The following PLXNA4 variants were observed in gnomAD, a reference collection of about 807,000 sequenced individuals.
PLXNA4 encodes the protein plexin A4, also known as plexin-A4.
In PLXNA4, 44 loss-of-function variants were observed where a neutral mutation model predicts 191.8. The observed-to-expected ratio is 0.23, with a 90% CI of 0.18 to 0.29. The LOEUF (loss-of-function observed/expected upper bound fraction) is 0.29. Ranked by LOEUF, PLXNA4 falls within the 10% of genes least tolerant of loss-of-function variation. The probability of loss-of-function intolerance (pLI) is 1.00; values close to 1 mark genes in which losing one functional copy is unlikely to be tolerated. For missense variants in PLXNA4, 1,800 were observed against 2,488.8 expected (o/e 0.72, Z 5.89); for synonymous variants, 1,082 against 1,009.5 (o/e 1.07, Z -1.36).
At chr7:132,172,770 A>AAT (rs1796330865) in intron 21 of PLXNA4, among the ~76,000 whole-genome samples, 1 of 151,284 alleles carries the variant, frequency 6.6e-6, no homozygotes, top group Non-Finnish European at 1.5e-5. Flanking sequence ...TAATAATAAT[A>AAT]ATAATAATAA....
chr7:132,492,854 A>G (rs1442646867), intron 2 of PLXNA4, among the ~76,000 whole-genome samples: 1 of 152,158 alleles, frequency 6.6e-6, no homozygotes, highest in Non-Finnish European at 1.5e-5. Flanking sequence ...AAGATATTTC[A>G]TGTTGATTTT....
chr7:132,563,549 TCTCCTACTCCTTCTCCTCTTCATC>T (rs1480669236), intron 1 of PLXNA4, among the ~76,000 whole-genome samples: 2 of 65,634 alleles, frequency 3.0e-5, no homozygotes, highest in East Asian at 6.3e-4. Flanking sequence ...TCCTCCTCCT[TCTCCTACTCCTTCTCCTCTTCATC>T]CTCCTCCTCC....
chr7:132,630,656 C>T (rs374555399), intron 2 of PLXNA4, among the ~76,000 whole-genome samples: 1 of 152,074 alleles, frequency 6.6e-6, no homozygotes, highest in African/African-American at 2.4e-5. Flanking sequence ...GGACTACAGG[C>T]GTCTGCCACC....
At chr7:132,429,888 G>A (rs900984186) in intron 3 of PLXNA4, among the ~76,000 whole-genome samples, 8 of 152,108 alleles carry the variant, frequency 5.3e-5, no homozygotes, top group South Asian at 4.1e-4. Context: ...ATCATCCTAC[G>A]AGGTTTACTC....
intron 2 of PLXNA4, among the ~76,000 whole-genome samples, chr7:132,628,803 A>G (rs1305152926): frequency 1.3e-5 from 2 of 152,104 alleles, no homozygotes; most frequent in East Asian, 3.8e-4. Context: ...TTGTTTTATG[A>G]ATGTAGTATT....
chr7:132,454,328 C>T (rs1450359363), intron 3 of PLXNA4, among the ~76,000 whole-genome samples: 3 of 152,172 alleles, frequency 2.0e-5, no homozygotes, highest in Non-Finnish European at 2.9e-5. Flanking sequence ...GCATTGCCTT[C>T]TTAAGAACAA....
At chr7:132,602,301 T>C (rs543506087) in intron 2 of PLXNA4, among the ~76,000 whole-genome samples, 14 of 152,300 alleles carry the variant, frequency 9.2e-5, no homozygotes, top group African/African-American at 3.1e-4. Flanking sequence ...GAGTTGTCAT[T>C]TGGAGTCCAC....
At chr7:132,183,171 G>T (rs1267524848) in intron 16 of PLXNA4, among the ~76,000 whole-genome samples, 1 of 152,114 alleles carries the variant, frequency 6.6e-6, no homozygotes. Context: ...TCTTTATATT[G>T]CCAGTTGCTT....
At position 132,224,242 on chromosome 7, in the gene PLXNA4, G is replaced by A. The variant is rs139129848; in HGVS notation, c.1983-601C>T. ...TCTCCATACAGGCTATGCCCTTCAC[G>A]GTATAGATGACCACTGCCCCCAACG... On this transcript the variant is annotated intron_variant, in intron 8 of 31. Coordinates refer to ENST00000321063, the MANE Select transcript of PLXNA4 (RefSeq NM_020911.2). Among the ~76,000 whole-genome samples the A allele has an allele frequency of 1.4e-4, 21 of 152,214 alleles. No homozygotes were observed. In the East Asian group the frequency reaches 3.3e-3, roughly 24 times the overall value.
At position 132,165,029 on chromosome 7, in the gene PLXNA4, G is replaced by C. The variant is rs1414762210; in HGVS notation, c.4353+105C>G. The C allele has an allele frequency of 6.1e-6, 9 of 1,482,494 alleles. No homozygotes were observed. In the Admixed American group the frequency reaches 1.9e-4, roughly 31 times the overall value. The allele number at this position is 1,482,494 out of a possible 1,614,324, so 91.8% of individuals were successfully genotyped here. On this transcript the variant is annotated intron_variant, in intron 23 of 31. Transcript: ENST00000321063. ...AATTCCATTTCTTGTGGGGTTATAAGAGCCAGGCCCAGTAAGGGAGGACTC... is the reference window on the plus strand; with the variant it reads ...AATTCCATTTCTTGTGGGGTTATAACAGCCAGGCCCAGTAAGGGAGGACTC...
intron 3 of PLXNA4, among the ~76,000 whole-genome samples, chr7:132,475,957 GA>G (rs1242481190): frequency 6.6e-6 from 1 of 152,166 alleles, no homozygotes; most frequent in Non-Finnish European, 1.5e-5. Context: ...CTCCCAGAGA[GA>G]ACATGAGGGA....
intron 1 of PLXNA4, among the ~76,000 whole-genome samples, chr7:132,560,794 C>G (rs1299472809): frequency 6.6e-6 from 1 of 152,094 alleles, no homozygotes; most frequent in African/African-American, 2.4e-5. Flanking sequence ...CCCCACTGCC[C>G]GTTCCTTGCT....
chr7:132,178,718 ACACACACACACAC>A (rs1796563988), intron 20 of PLXNA4, among the ~76,000 whole-genome samples: 5 of 117,746 alleles, frequency 4.2e-5, no homozygotes, highest in East Asian at 2.5e-4. Context: ...ACACATACAC[ACACACACACACAC>A]TTGTAAATGA....
chr7:132,279,848 A>G (rs946936553), intron 4 of PLXNA4, among the ~76,000 whole-genome samples: 1 of 152,190 alleles, frequency 6.6e-6, no homozygotes, highest in African/African-American at 2.4e-5. Context: ...TGACATTAGC[A>G]TGACTTGAGA....
At chr7:132,240,635 C>T (rs1798846416) in intron 5 of PLXNA4, among the ~76,000 whole-genome samples, 1 of 152,170 alleles carries the variant, frequency 6.6e-6, no homozygotes, top group Non-Finnish European at 1.5e-5. Context: ...AAAGGGACAG[C>T]ATATATCTTG....
At chr7:132,543,636 G>A (rs1225145393) in intron 1 of PLXNA4, among the ~76,000 whole-genome samples, 31 of 152,164 alleles carry the variant, frequency 2.0e-4, no homozygotes. Flanking sequence ...TTACTTTTGG[G>A]AGGAAATAAA....
intron 2 of PLXNA4, among the ~76,000 whole-genome samples, chr7:132,636,926 G>A (rs971391299): frequency 2.0e-5 from 3 of 152,104 alleles, no homozygotes; most frequent in Admixed American, 1.3e-4. Context: ...GTGGGGAGGT[G>A]GGAAGAATTC....
At chr7:132,626,283 C>T (rs1416268192) in intron 2 of PLXNA4, among the ~76,000 whole-genome samples, 1 of 152,244 alleles carries the variant, frequency 6.6e-6, no homozygotes, top group Non-Finnish European at 1.5e-5. Flanking sequence ...CTGTCATGCA[C>T]AGCCCAGATT....
chr7:132,132,103 G>A (rs1485084097), intron 31 of PLXNA4, among the ~76,000 whole-genome samples: 1 of 152,244 alleles, frequency 6.6e-6, no homozygotes, highest in Non-Finnish European at 1.5e-5. Flanking sequence ...CCAGACCCAT[G>A]GCAAGAGAGC....
Sources: gnomAD v4.1 joint callset for allele counts (sites outside exome capture counted in the v4.1 genomes callset) on GRCh38, gnomAD v4.1.1 for gene constraint, MANE v1.5 for transcripts, NCBI Gene and HGNC (gene_info 2026-07-23, HGNC 2026-07-21) for gene names.